Variants in ZBTB7C observed in about 807,000 individuals in gnomAD.
The protein encoded by ZBTB7C is zinc finger and BTB domain containing 7C.
A neutral mutation model predicts 25.7 loss-of-function variants in ZBTB7C; 8 were observed. That is an observed-to-expected ratio of 0.31 (90% CI 0.18 to 0.56). The LOEUF (loss-of-function observed/expected upper bound fraction) is 0.56, where lower values mean the gene tolerates loss of function less well. ZBTB7C is among the 20% of genes least tolerant of loss of function. The probability of loss-of-function intolerance (pLI) is 0.91; values close to 1 mark genes in which losing one functional copy is unlikely to be tolerated. For synonymous variants in ZBTB7C, 394 were observed against 369.0 expected (o/e 1.07, Z -0.78); for missense variants, 824 against 855.2 (o/e 0.96, Z 0.46).
intron 3 of ZBTB7C, among the ~76,000 whole-genome samples, chr18:48,130,867 T>C (rs1269699242): frequency 6.6e-6 from 1 of 152,214 alleles, no homozygotes; most frequent in Non-Finnish European, 1.5e-5. Context: ...TCAGTACTTC[T>C]TGGGTAGGCA....
chr18:48,092,405 A>G lies in ZBTB7C; in HGVS notation c.-16-51282T>C, dbSNP rs552582043. On this transcript the variant is annotated intron_variant, in intron 3 of 4. Coordinates refer to ENST00000590800, the MANE Select transcript of ZBTB7C (RefSeq NM_001318841.2). ...CTGGTTATTGTTCTTCACAATTTAA[A>G]TATCATGTAAACTGATGAAATCGAA... is the stretch of plus-strand genomic sequence containing the variant. 1.4e-4 allele frequency among the ~76,000 whole-genome samples: 21 copies of G among 152,356 alleles called. 1 individual carries two copies. Among genetic ancestry groups the G allele is most frequent in the African/African-American group, 3.4e-4 (14 of 41,590 alleles).
At chr18:48,126,802 G>A (rs1325195511) in intron 3 of ZBTB7C, among the ~76,000 whole-genome samples, 1 of 152,066 alleles carries the variant, frequency 6.6e-6, no homozygotes, top group Admixed American at 6.6e-5. Context: ...TTTGTGTGGA[G>A]GATCTAAAGT....
Position 48,108,980 on chromosome 18 carries a change from T to C in ZBTB7C, c.-16-67857A>G, listed in dbSNP as rs543813703. Among the ~76,000 whole-genome samples the C allele has an allele frequency of 2.6e-5, 4 of 152,140 alleles. No individual in the cohort carries two copies. In the East Asian group the frequency reaches 7.7e-4, roughly 29 times the overall value. Reference sequence around the variant, plus strand: ...GCACTTGGGGGTAAGGAAGGGGGGCTCTGAGCTATGAACAAAGCCCTGGCA... The same window carrying C: ...GCACTTGGGGGTAAGGAAGGGGGGCCCTGAGCTATGAACAAAGCCCTGGCA... On this transcript the variant is annotated intron_variant, in intron 3 of 4. Transcript: ENST00000590800.
At chr18:48,310,571 T>A (rs915227886) in intron 2 of ZBTB7C, among the ~76,000 whole-genome samples, 45 of 152,204 alleles carry the variant, frequency 3.0e-4, no homozygotes, top group African/African-American at 1.0e-3. Flanking sequence ...TGTGTGTGTG[T>A]CCCCTGAGGA....
intron 2 of ZBTB7C, among the ~76,000 whole-genome samples, chr18:48,266,045 C>T (rs917572354): frequency 6.6e-6 from 1 of 152,170 alleles, no homozygotes; most frequent in Non-Finnish European, 1.5e-5. Flanking sequence ...GATGGAGCGT[C>T]AGTTTGGCAA....
chr18:48,116,122 C>T (rs1268670312), intron 3 of ZBTB7C, among the ~76,000 whole-genome samples: 1 of 152,062 alleles, frequency 6.6e-6, no homozygotes, highest in East Asian at 1.9e-4. Context: ...CATTCCTCTA[C>T]ACCGTCCCCC....
At chr18:48,043,951 AG>A (rs775652614) in intron 3 of ZBTB7C, among the ~76,000 whole-genome samples, 4 of 152,136 alleles carry the variant, frequency 2.6e-5, no homozygotes, top group Non-Finnish European at 5.9e-5. Flanking sequence ...TGAACAGGGG[AG>A]GCTTCCTTGA....
chr18:48,127,976 C>T (rs2039860989), intron 3 of ZBTB7C, among the ~76,000 whole-genome samples: 1 of 152,214 alleles, frequency 6.6e-6, no homozygotes. Context: ...GCCTCCTCCC[C>T]AAGGCCTGAG....
Position 48,079,332 on chromosome 18 carries a change from G to A in ZBTB7C, c.-16-38209C>T, listed in dbSNP as rs568577769. Among the ~76,000 whole-genome samples the A allele has an allele frequency of 2.0e-5, 3 of 152,292 alleles. No individual in the cohort carries two copies. The East Asian group carries it at 5.8e-4, about 29-fold the overall frequency. ...GCACAGTGTCTCTTGTACATAGTAG[G>A]CACCAGATATTTGTTGAATAAGTGA... On this transcript the variant is annotated intron_variant, in intron 3 of 4. Transcript: ENST00000590800.
chr18:48,368,090 C>A (rs2145144850), intron 1 of ZBTB7C, among the ~76,000 whole-genome samples: 2 of 152,068 alleles, frequency 1.3e-5, no homozygotes, highest in Middle Eastern at 3.4e-3. Flanking sequence ...AGATCCCAAA[C>A]TGAATGAGCA....
intron 2 of ZBTB7C, among the ~76,000 whole-genome samples, chr18:48,253,227 G>GA (rs138064940): frequency 3.3e-5 from 5 of 151,326 alleles, no homozygotes; most frequent in East Asian, 1.9e-4. Flanking sequence ...AAGAGAAAAA[G>GA]AAAAAAAATC....
At chr18:48,158,411 C>G (rs1237760633) in intron 3 of ZBTB7C, among the ~76,000 whole-genome samples, 2 of 152,090 alleles carry the variant, frequency 1.3e-5, no homozygotes, top group Admixed American at 6.5e-5. Flanking sequence ...AGCCAGGAGT[C>G]TAGCTTCTAG....
intron 1 of ZBTB7C, among the ~76,000 whole-genome samples, chr18:48,404,567 C>G (rs938694159): frequency 6.6e-6 from 1 of 152,152 alleles, no homozygotes; most frequent in Non-Finnish European, 1.5e-5. Context: ...TAGAGGACGA[C>G]TTCATCATTA....
chr18:48,282,442 C>T (rs980324959), intron 2 of ZBTB7C, among the ~76,000 whole-genome samples: 4 of 151,704 alleles, frequency 2.6e-5, no homozygotes, highest in African/African-American at 9.7e-5. Flanking sequence ...GCACATATAC[C>T]CTAAAACTTA....
Position 48,029,147 on chromosome 18 carries a change from C to T in ZBTB7C, c.*113G>A. Reference sequence around the variant, plus strand: ...ACTGATAGTATTATTATTATTTTCCCATTTTCCCTTTGTGTTTTTAAAATG... The same window carrying T: ...ACTGATAGTATTATTATTATTTTCCTATTTTCCCTTTGTGTTTTTAAAATG... On this transcript the variant is annotated 3_prime_UTR_variant, in exon 5 of 5. Coordinates refer to ENST00000590800, the MANE Select transcript of ZBTB7C (RefSeq NM_001318841.2). The T allele has an allele frequency of 5.2e-6, 7 of 1,337,036 alleles. No individual in the cohort carries two copies. The highest frequency in any genetic ancestry group is 6.9e-6 in the Non-Finnish European group (7 of 1,013,680). 82.8% of individuals were successfully genotyped at this position (1,337,036 alleles called of 1,614,324 possible).
chr18:48,112,760 T>C (rs1248301791), intron 3 of ZBTB7C, among the ~76,000 whole-genome samples: 11 of 152,236 alleles, frequency 7.2e-5, no homozygotes, highest in Non-Finnish European at 4.4e-5. Context: ...GCTATGTTTG[T>C]ATATACTGAG....
chr18:48,262,191 G>A (rs994575609), intron 2 of ZBTB7C, among the ~76,000 whole-genome samples: 9 of 152,140 alleles, frequency 5.9e-5, no homozygotes, highest in Admixed American at 2.0e-4. Flanking sequence ...TAAAATGACC[G>A]GCTCAAGGCT....
At chr18:48,302,594 A>G (rs1050542569) in intron 2 of ZBTB7C, among the ~76,000 whole-genome samples, 4 of 152,208 alleles carry the variant, frequency 2.6e-5, no homozygotes, top group African/African-American at 4.8e-5. Context: ...TTCAATAGAG[A>G]GCTAGCTAAG....
At chr18:48,039,804 T>C in intron 4 of ZBTB7C, 96 bp downstream of exon 4, 1 of 1,298,672 alleles carries the variant, frequency 7.7e-7, no homozygotes, top group Admixed American at 1.7e-5. Flanking sequence ...GGGATCTATC[T>C]GGGTCTCTGT....
Sources: allele counts gnomAD v4.1 joint callset (sites outside exome capture counted in the v4.1 genomes callset), GRCh38; gene constraint gnomAD v4.1.1; transcripts MANE v1.5; gene names NCBI Gene and HGNC (gene_info 2026-07-23, HGNC 2026-07-21).